The following IL23R variants were observed in gnomAD, a reference collection of about 807,000 sequenced individuals.
The protein encoded by IL23R is interleukin 23 receptor, also known as interleukin-23 receptor.
IL23R carries 34 observed loss-of-function variants against 56.9 expected under a neutral mutation model. The ratio of observed to expected loss-of-function variants is 0.60; its 90% confidence interval spans 0.45 to 0.80. The LOEUF (loss-of-function observed/expected upper bound fraction) is 0.80, where lower values mean the gene tolerates loss of function less well. Ranked by LOEUF, IL23R falls within the 30% of genes least tolerant of loss-of-function variation. IL23R has a pLI of 0.00. For missense variants in IL23R, 635 were observed against 730.0 expected, an observed-to-expected ratio of 0.87 and a Z score of 1.50; for synonymous variants, 230 against 249.2, an observed-to-expected ratio of 0.92 and a Z score of 0.73.
chr1:67,247,015 A>G (rs1161251107), intron 9 of IL23R, among the ~76,000 whole-genome samples: 2 of 152,162 alleles, frequency 1.3e-5, no homozygotes, highest in Middle Eastern at 3.2e-3. Context: ...GTGCATATAT[A>G]TTTAGGATAG....
intron 6 of IL23R, among the ~76,000 whole-genome samples, chr1:67,213,204 G>A (rs1226549802): frequency 3.9e-5 from 6 of 152,204 alleles, no homozygotes; most frequent in African/African-American, 7.2e-5. Flanking sequence ...TCTGTGCCTC[G>A]TTATTCCCAT....
downstream of IL23R, among the ~76,000 whole-genome samples, chr1:67,264,363 T>C (rs1254720132): frequency 1.3e-5 from 2 of 152,230 alleles, no homozygotes; most frequent in African/African-American, 4.8e-5. Context: ...ACCCAAAGAC[T>C]CTGGAATTAT....
intron 6 of IL23R, chr1:67,207,502 CA>C (rs1649156542): frequency 9.6e-6 from 3 of 314,008 alleles, no homozygotes; most frequent in South Asian, 5.6e-5. Flanking sequence ...GGGAGGGACC[CA>C]GGGGGAGGTA....
At chr1:67,148,819 A>T (rs528031468) in intron 1 of IL23R, among the ~76,000 whole-genome samples, 1 of 152,204 alleles carries the variant, frequency 6.6e-6, no homozygotes, top group African/African-American at 2.4e-5. Context: ...CAGTAGCAGC[A>T]GTGTTAGAAC....
At chr1:67,240,396 A>G in intron 9 of IL23R, 115 bp downstream of exon 9, 1 of 714,548 alleles carries the variant, frequency 1.4e-6, no homozygotes, top group Non-Finnish European at 2.5e-6. Context: ...TATTCAGATA[A>G]AGGAAAATAA....
chr1:67,196,461 G>A (rs1457530115), intron 4 of IL23R, among the ~76,000 whole-genome samples: 1 of 152,182 alleles, frequency 6.6e-6, no homozygotes, highest in Non-Finnish European at 1.5e-5. Context: ...GATCACTTGA[G>A]CCCAGAAAGT....
intron 1 of IL23R, among the ~76,000 whole-genome samples, chr1:67,152,272 T>C (rs1646735130): frequency 6.6e-6 from 1 of 152,194 alleles, no homozygotes; most frequent in Non-Finnish European, 1.5e-5. Context: ...TTGTCTATTG[T>C]TGGTGTGTAG....
intron 8 of IL23R, among the ~76,000 whole-genome samples, chr1:67,239,005 C>G (rs1651683351): frequency 6.6e-6 from 1 of 152,050 alleles, no homozygotes; most frequent in Non-Finnish European, 1.5e-5. Flanking sequence ...ACCCAATAAA[C>G]ATTTGCTGAA....
intron 7 of IL23R, among the ~76,000 whole-genome samples, chr1:67,230,663 G>A (rs1455927923): frequency 1.3e-5 from 2 of 152,182 alleles, no homozygotes; most frequent in Non-Finnish European, 2.9e-5. Flanking sequence ...GAATATGTCT[G>A]TGTGTACCCT....
chr1:67,169,595 T>G lies in IL23R; in HGVS notation c.324T>G (p.His108Gln), dbSNP rs1646916783. Residue 108 changes from histidine to glutamine, a missense_variant, in exon 3 of 11, where the codon CAT becomes CAG. Physicochemically the swap from His to Gln is conservative, Grantham distance 24 (BLOSUM62 0). Transcript: ENST00000347310. ...ACTGCACTGCTGAATGTCCCAAACA[T>G]TTTCAAGAGACACTGATATGTGGAA... ...SMYCTAECPK[H>Q]FQETLICGKD... The G allele has an allele frequency of 3.7e-6, 6 of 1,614,040 alleles. No homozygotes were observed. In the Admixed American group the frequency reaches 8.3e-5, roughly 22 times the overall value.
chr1:67,236,921 T>C (rs1651513313), intron 8 of IL23R, 119 bp downstream of exon 8: 1 of 712,862 alleles, frequency 1.4e-6, no homozygotes, highest in African/African-American at 1.8e-5. Context: ...ATGCCTTATG[T>C]CTTCCATAGG....
chr1:67,188,640 G>A (rs1221225197), intron 4 of IL23R, among the ~76,000 whole-genome samples: 1 of 152,308 alleles, frequency 6.6e-6, no homozygotes, highest in Non-Finnish European at 1.5e-5. Context: ...CCTAGACTGC[G>A]TAATTTGTAA....
At chr1:67,207,613 T>C (rs1365801489) in intron 6 of IL23R, 1 of 392,402 alleles carries the variant, frequency 2.5e-6, no homozygotes, top group Admixed American at 2.9e-5. Context: ...CTTTTGCTTC[T>C]TCCTCATTTT....
intron 7 of IL23R, chr1:67,231,698 T>C (rs1218415294): frequency 6.6e-6 from 1 of 152,204 alleles, no homozygotes; most frequent in African/African-American, 2.4e-5. Context: ...GAACAATTTT[T>C]AATAAAATGA....
rs76960843 is a variant in IL23R, at chr1:67,200,719, T to C, written c.492-18T>C. On this transcript the variant is annotated intron_variant, in intron 4 of 10. Transcript: ENST00000347310. ...AAACTAAATACAATTTATGATCATC[T>C]TTTTTTTTTGTTTTAAGTTTAGAGA... is the stretch of plus-strand genomic sequence containing the variant. 8.6e-7 allele frequency: 1 copy of C among 1,166,292 alleles called. No homozygotes were observed. Among genetic ancestry groups the C allele is most frequent in the South Asian group, 1.5e-5 (1 of 68,030 alleles). 72.2% of individuals were successfully genotyped at this position (1,166,292 alleles called of 1,614,324 possible).
chr1:67,202,227 A>C (rs1410343953), intron 5 of IL23R, among the ~76,000 whole-genome samples: 1 of 140,284 alleles, frequency 7.1e-6, no homozygotes, highest in Non-Finnish European at 1.5e-5. Context: ...TTTGAGGCAG[A>C]GTCTCACTCT....
intron 4 of IL23R, among the ~76,000 whole-genome samples, chr1:67,183,497 T>C (rs1291854541): frequency 6.6e-6 from 1 of 152,218 alleles, no homozygotes; most frequent in Non-Finnish European, 1.5e-5. Context: ...ACTGTGCCAC[T>C]GCACTCTAGC....
intron 3 of IL23R, among the ~76,000 whole-genome samples, chr1:67,173,665 T>A (rs1489993116): frequency 6.6e-6 from 1 of 151,702 alleles, no homozygotes. Context: ...TGAATATAGG[T>A]TTTTTTAAAA....
intron 1 of IL23R, among the ~76,000 whole-genome samples, chr1:67,158,570 A>G (rs565286081): frequency 6.6e-6 from 1 of 152,282 alleles, no homozygotes; most frequent in South Asian, 2.1e-4. Flanking sequence ...AGGGGTGGTA[A>G]CTTCCAGGTG....
Sources: allele counts gnomAD v4.1 joint callset (sites outside exome capture counted in the v4.1 genomes callset), GRCh38; gene constraint gnomAD v4.1.1; transcripts MANE v1.5; gene names NCBI Gene and HGNC (gene_info 2026-07-23, HGNC 2026-07-21).